ZNF827: variants seen among roughly 807,000 people sequenced by gnomAD.
ZNF827 encodes zinc finger protein 827.
In ZNF827, 13 loss-of-function variants were observed where a neutral mutation model predicts 102.4. That is an observed-to-expected ratio of 0.13 (90% CI 0.08 to 0.20). The LOEUF (loss-of-function observed/expected upper bound fraction) is 0.20, where lower values mean the gene tolerates loss of function less well. Among genes scored for constraint, ZNF827 ranks in the 10% least tolerant of loss-of-function variants. ZNF827 has a pLI of 1.00. For missense variants in ZNF827, 1,103 were observed against 1,344.4 expected, an observed-to-expected ratio of 0.82 and a Z score of 2.81; for synonymous variants, 523 against 536.2, an observed-to-expected ratio of 0.98 and a Z score of 0.34.
chr4:145,918,399 AC>A (rs1228659781), intron 1 of ZNF827, among the ~76,000 whole-genome samples: 2 of 143,856 alleles, frequency 1.4e-5, no homozygotes, highest in Non-Finnish European at 3.0e-5. Context: ...CAGAACAGGT[AC>A]TTTTTCTTTA....
At chr4:145,864,020 C>A (rs148728437) in intron 5 of ZNF827, among the ~76,000 whole-genome samples, 2,887 of 151,636 alleles carry the variant, frequency 0.019, 34 homozygotes, top group Non-Finnish European at 0.028. Flanking sequence ...ATGGTGAAAC[C>A]CCATCTCTAC....
chr4:145,770,299 AAAATAAATAAATAAATAAATAAAT>A (rs150231954), intron 11 of ZNF827, among the ~76,000 whole-genome samples: 1,809 of 87,256 alleles, frequency 0.021, 52 homozygotes, highest in African/African-American at 0.054. Flanking sequence ...ACCCTGTCTT[AAAATAAATAAATAAATAAATAAAT>A]AAATAAATAA....
intron 1 of ZNF827, among the ~76,000 whole-genome samples, chr4:145,907,826 G>A (rs1267993191): frequency 6.6e-6 from 1 of 152,188 alleles, no homozygotes; most frequent in African/African-American, 2.4e-5. Context: ...TTTTGTGTGT[G>A]TTTTCCCTTT....
At chr4:145,768,858 CAAAAAAAAAA>C (rs1174930111) in intron 11 of ZNF827, among the ~76,000 whole-genome samples, 1 of 4,534 alleles carries the variant, frequency 2.2e-4, no homozygotes, top group African/African-American at 5.5e-4. Flanking sequence ...GACTCCGTCT[CAAAAAAAAAA>C]AAAAAAAAAA....
In ZNF827 at chr4:145,871,137, G is replaced by T. The variant is rs574586012; in HGVS notation, c.1748-659C>A. ...TTTTTAAAGAACAGTTTTTATTTTGGAATAATTTTAGATTTACAGAGAAGT... is the reference window on the plus strand; with the variant it reads ...TTTTTAAAGAACAGTTTTTATTTTGTAATAATTTTAGATTTACAGAGAAGT... On this transcript the variant is annotated intron_variant, in intron 4 of 14. Coordinates refer to ENST00000508784, the MANE Select transcript of ZNF827 (RefSeq NM_001306215.2). 2.0e-5 allele frequency among the ~76,000 whole-genome samples: 3 copies of T among 151,888 alleles called. No homozygotes were observed. In the East Asian group the frequency reaches 5.8e-4, roughly 29 times the overall value.
chr4:145,782,142 G>A (rs183249977), intron 8 of ZNF827, among the ~76,000 whole-genome samples: 24 of 152,306 alleles, frequency 1.6e-4, no homozygotes, highest in Admixed American at 1.1e-3. Context: ...TCTAGGAATC[G>A]CTGCTCTCCC....
intron 8 of ZNF827, among the ~76,000 whole-genome samples, chr4:145,822,596 G>C (rs1743252315): frequency 6.6e-6 from 1 of 152,088 alleles, no homozygotes; most frequent in African/African-American, 2.4e-5. Flanking sequence ...GTGGATGGAG[G>C]CTACCGAGTG....
chr4:145,884,493 C>T (rs568358151), intron 4 of ZNF827, among the ~76,000 whole-genome samples: 7 of 152,162 alleles, frequency 4.6e-5, no homozygotes, highest in South Asian at 2.1e-4. Flanking sequence ...TGGAAATCAT[C>T]GTGGGGACTT....
intron 4 of ZNF827, among the ~76,000 whole-genome samples, chr4:145,877,512 C>T (rs986327276): frequency 6.6e-6 from 1 of 152,040 alleles, no homozygotes; most frequent in Admixed American, 6.6e-5. Flanking sequence ...TTTAATTTCC[C>T]TTAAATCATT....
At chr4:145,817,740 T>C (rs1262365499) in intron 8 of ZNF827, among the ~76,000 whole-genome samples, 1 of 152,192 alleles carries the variant, frequency 6.6e-6, no homozygotes, top group Non-Finnish European at 1.5e-5. Context: ...TGCAAGGAGC[T>C]TGTAGACCTT....
intron 4 of ZNF827, 63 bp from the exon 5 acceptor site, chr4:145,870,541 GGTACTTCACGAAGTATGGAAT>G: frequency 7.2e-7 from 1 of 1,391,142 alleles, no homozygotes; most frequent in Non-Finnish European, 1.0e-6. Flanking sequence ...TAGCTGCCCT[GGTACTTCACGAAGTATGGAAT>G]GCACAATCAC....
At chr4:145,924,759 C>A (rs1036747987) in intron 1 of ZNF827, among the ~76,000 whole-genome samples, 2 of 152,192 alleles carry the variant, frequency 1.3e-5, no homozygotes, top group African/African-American at 4.8e-5. Flanking sequence ...CTAAATTTAG[C>A]AATCATAATC....
chr4:145,871,498 C>T (rs1026462058), intron 4 of ZNF827, among the ~76,000 whole-genome samples: 1 of 152,146 alleles, frequency 6.6e-6, no homozygotes, highest in Non-Finnish European at 1.5e-5. Context: ...CCTCTTCCTA[C>T]TACTCTTCAC....
At chr4:145,808,013 G>T (rs912835794) in intron 8 of ZNF827, among the ~76,000 whole-genome samples, 1 of 150,696 alleles carries the variant, frequency 6.6e-6, no homozygotes, top group Non-Finnish European at 1.5e-5. Context: ...TTCACATACC[G>T]AAAGCTTGCC....
At chr4:145,858,950 T>C (rs1747442746) in intron 5 of ZNF827, among the ~76,000 whole-genome samples, 1 of 152,240 alleles carries the variant, frequency 6.6e-6, no homozygotes, top group Non-Finnish European at 1.5e-5. Context: ...ATATTACTAA[T>C]ATGCACTAGT....
intron 7 of ZNF827, among the ~76,000 whole-genome samples, chr4:145,842,167 A>C (rs913545517): frequency 6.6e-6 from 1 of 152,228 alleles, no homozygotes; most frequent in Non-Finnish European, 1.5e-5. Flanking sequence ...GGTAGTTATT[A>C]GTTTCAACCT....
intron 3 of ZNF827, among the ~76,000 whole-genome samples, chr4:145,887,128 A>C (rs1198793330): frequency 6.6e-6 from 1 of 152,196 alleles, no homozygotes; most frequent in Non-Finnish European, 1.5e-5. Context: ...AATTGTGTAG[A>C]TGTGGGCCAA....
At chr4:145,920,743 A>G (rs897788802) in intron 1 of ZNF827, among the ~76,000 whole-genome samples, 10 of 152,226 alleles carry the variant, frequency 6.6e-5, no homozygotes, top group Admixed American at 5.2e-4. Flanking sequence ...TGAAACACCT[A>G]TGGGATTCCC....
intron 8 of ZNF827, among the ~76,000 whole-genome samples, chr4:145,785,481 T>A (rs920175859): frequency 1.3e-5 from 2 of 152,132 alleles, no homozygotes; most frequent in Non-Finnish European, 2.9e-5. Context: ...AATTTGTTCA[T>A]TTTCAGGAGG....
Sources: allele counts gnomAD v4.1 joint callset (sites outside exome capture counted in the v4.1 genomes callset), GRCh38; gene constraint gnomAD v4.1.1; transcripts MANE v1.5; gene names NCBI Gene and HGNC (gene_info 2026-07-23, HGNC 2026-07-21).